ASCC3: variants seen among roughly 807,000 people sequenced by gnomAD.
The protein encoded by ASCC3 is ASC-1 complex subunit P200.
In ASCC3, 158 loss-of-function variants were observed where a neutral mutation model predicts 256.3. The ratio of observed to expected loss-of-function variants is 0.62; its 90% CI spans 0.54 to 0.70. ASCC3 has a LOEUF of 0.70. Ranked by LOEUF, ASCC3 falls within the 30% of genes least tolerant of loss-of-function variation. ASCC3 has a pLI of 0.00. For synonymous variants in ASCC3, 948 were observed against 883.4 expected, an observed-to-expected ratio of 1.07 and a Z score of -1.30; for missense variants, 2,259 against 2,626.0, an observed-to-expected ratio of 0.86 and a Z score of 3.05.
intron 36 of ASCC3, among the ~76,000 whole-genome samples, chr6:100,550,643 T>C (rs769602721): frequency 6.6e-6 from 1 of 151,928 alleles, no homozygotes; most frequent in Non-Finnish European, 1.5e-5. Context: ...GTGGGGTTAT[T>C]TGCAGGTAAC....
intron 37 of ASCC3, among the ~76,000 whole-genome samples, chr6:100,534,292 A>G (rs538254785): frequency 6.6e-6 from 1 of 152,278 alleles, no homozygotes; most frequent in South Asian, 2.1e-4. Context: ...CAAACAAAAA[A>G]TACACAAAAA....
chr6:100,780,469 G>A (rs990648899), intron 8 of ASCC3, among the ~76,000 whole-genome samples: 1 of 152,104 alleles, frequency 6.6e-6, no homozygotes, highest in Non-Finnish European at 1.5e-5. Context: ...GCCAGGTACA[G>A]TGACTCATGC....
At chr6:100,781,360 T>TCGTG (rs1007561464) in intron 8 of ASCC3, among the ~76,000 whole-genome samples, 2 of 152,144 alleles carry the variant, frequency 1.3e-5, no homozygotes, top group African/African-American at 4.8e-5. Flanking sequence ...TTGCAACTGC[T>TCGTG]CGTGGTACAC....
intron 36 of ASCC3, among the ~76,000 whole-genome samples, chr6:100,589,340 T>G (rs900025036): frequency 1.2e-4 from 18 of 152,110 alleles, no homozygotes; most frequent in African/African-American, 4.3e-4. Context: ...CTATTATATT[T>G]AAGGATAGGG....
intron 8 of ASCC3, among the ~76,000 whole-genome samples, chr6:100,786,511 A>AC (rs1352637420): frequency 6.6e-6 from 1 of 152,176 alleles, no homozygotes; most frequent in African/African-American, 2.4e-5. Flanking sequence ...TATGGACTTG[A>AC]CCGTATAAGT....
Position 100,644,121 on chromosome 6 carries a change from C to A in ASCC3, c.3642G>T (p.Gly1214=). The change falls in exon 23 of 42, where the codon GGG becomes GGT. Residue 1214 remains glycine (G), a synonymous_variant. Transcript: ENST00000369162. ...AAATCCACCAAGGTTCTCCTACTGTCCCATGTACCTAGAAGAAAAATAGCA... is the reference window on the plus strand; with the variant it reads ...AAATCCACCAAGGTTCTCCTACTGTACCATGTACCTAGAAGAAAAATAGCA... ...ADFTWNDQVH[G]TVGEPWWIWV... The A allele has an allele frequency of 6.2e-7, 1 of 1,609,884 alleles. No homozygotes were observed. The highest frequency in any genetic ancestry group is 8.5e-7 in the Non-Finnish European group (1 of 1,176,814).
At chr6:100,584,363 A>C (rs1367223928) in intron 36 of ASCC3, among the ~76,000 whole-genome samples, 1 of 151,282 alleles carries the variant, frequency 6.6e-6, no homozygotes, top group Non-Finnish European at 1.5e-5. Flanking sequence ...GTGTCTTTTG[A>C]TCTTTGTTGG....
intron 1 of ASCC3, among the ~76,000 whole-genome samples, chr6:100,880,620 C>A (rs1769251822): frequency 6.6e-6 from 1 of 152,088 alleles, no homozygotes; most frequent in African/African-American, 2.4e-5. Flanking sequence ...AATTCACCCA[C>A]AATCCATCAC....
intron 30 of ASCC3, among the ~76,000 whole-genome samples, chr6:100,615,282 A>AT (rs1178080242): frequency 6.6e-6 from 1 of 151,916 alleles, no homozygotes; most frequent in East Asian, 1.9e-4. Flanking sequence ...CCAGCTACTG[A>AT]TTTTTCTTTA....
At chr6:100,749,197 G>A (rs1248534593) in intron 10 of ASCC3, among the ~76,000 whole-genome samples, 1 of 151,916 alleles carries the variant, frequency 6.6e-6, no homozygotes, top group Non-Finnish European at 1.5e-5. Flanking sequence ...AACGAAAAAC[G>A]TTATTCTTAA....
intron 4 of ASCC3, among the ~76,000 whole-genome samples, chr6:100,820,113 C>T (rs1423925295): frequency 6.6e-6 from 1 of 152,108 alleles, no homozygotes; most frequent in Non-Finnish European, 1.5e-5. Context: ...CTATCAAAAT[C>T]CCAGGTGACT....
intron 25 of ASCC3, among the ~76,000 whole-genome samples, chr6:100,637,070 G>A (rs240141): frequency 0.57 from 87,399 of 152,048 alleles, 25,333 homozygotes; most frequent in East Asian, 0.73. Flanking sequence ...TAATATTGGA[G>A]GAGGATGTCA....
At chr6:100,709,911 C>T (rs1228697101) in intron 13 of ASCC3, among the ~76,000 whole-genome samples, 2 of 152,042 alleles carry the variant, frequency 1.3e-5, no homozygotes, top group Non-Finnish European at 2.9e-5. Context: ...AGCTAACAAA[C>T]AGTATAGGAG....
chr6:100,794,297 T>C (rs1769493576), intron 8 of ASCC3, among the ~76,000 whole-genome samples: 1 of 152,082 alleles, frequency 6.6e-6, no homozygotes, highest in African/African-American at 2.4e-5. Context: ...GCAATTGTCT[T>C]TTTCCAGTCT....
In ASCC3 at chr6:100,608,548, TTA is replaced by T. The variant is rs1279987257; in HGVS notation, c.4786-1462_4786-1461del. Among the ~76,000 whole-genome samples, 5 of 3,518 alleles carry T rather than the reference TTA, an allele frequency of 1.4e-3. 2 individuals carry two copies. In the East Asian group the frequency reaches 0.12, roughly 88 times the overall value. 2.3% of individuals were successfully genotyped at this position (3,518 alleles called of 152,430 possible). Reference sequence around the variant, plus strand: ...TATATATATACTTTATATATATACTTTATATATATATACTTTATATATATATT... The same window carrying T: ...TATATATATACTTTATATATATACTTTATATATATACTTTATATATATATT... On this transcript the variant is annotated intron_variant, in intron 30 of 41. Coordinates refer to ENST00000369162, the MANE Select transcript of ASCC3 (RefSeq NM_006828.4).
At chr6:100,731,412 T>C (rs186874982) in intron 10 of ASCC3, among the ~76,000 whole-genome samples, 1 of 152,344 alleles carries the variant, frequency 6.6e-6, no homozygotes, top group African/African-American at 2.4e-5. Context: ...AAACCTTAAC[T>C]AATTACATAT....
At chr6:100,858,133 ATT>A in intron 3 of ASCC3, 1 of 224,448 alleles carries the variant, frequency 4.5e-6, no homozygotes, top group Non-Finnish European at 6.6e-6. Context: ...CGTAAAATAA[ATT>A]AAAATTTTAA....
intron 8 of ASCC3, among the ~76,000 whole-genome samples, chr6:100,785,019 C>T (rs1782623875): frequency 7.8e-6 from 1 of 128,992 alleles, no homozygotes; most frequent in African/African-American, 2.5e-5. Context: ...TGAAAGTGCA[C>T]TGAAAAATTA....
chr6:100,677,723 T>C (rs1777097728), intron 14 of ASCC3, among the ~76,000 whole-genome samples: 1 of 151,672 alleles, frequency 6.6e-6, no homozygotes, highest in Non-Finnish European at 1.5e-5. Flanking sequence ...AGTAGGACAA[T>C]GTTCTTAATA....
Sources: allele counts gnomAD v4.1 joint callset (sites outside exome capture counted in the v4.1 genomes callset), GRCh38; gene constraint gnomAD v4.1.1; transcripts MANE v1.5; gene names NCBI Gene and HGNC (gene_info 2026-07-23, HGNC 2026-07-21).